XKR4: variants seen among roughly 807,000 people sequenced by gnomAD.
XKR4 encodes the protein XK related 4.
Under a neutral mutation model 53.9 loss-of-function variants are expected in XKR4, and 12 were observed. That is an observed-to-expected ratio of 0.22 (90% CI 0.14 to 0.36). XKR4 has a LOEUF of 0.36. Ranked by LOEUF, XKR4 falls within the 10% of genes least tolerant of loss-of-function variation. XKR4 has a pLI of 1.00. For synonymous variants in XKR4, 354 were observed against 362.4 expected, an observed-to-expected ratio of 0.98 and a Z score of 0.26; for missense variants, 799 against 859.5, an observed-to-expected ratio of 0.93 and a Z score of 0.88.
chr8:55,453,318 C>A, intron 2 of XKR4: 2 of 481,640 alleles, frequency 4.2e-6, no homozygotes, highest in South Asian at 3.1e-5. Context: ...ATGACAAAGT[C>A]AAACTGCTGG....
At chr8:55,332,761 T>A (rs1207766059) in intron 1 of XKR4, among the ~76,000 whole-genome samples, 1 of 152,118 alleles carries the variant, frequency 6.6e-6, no homozygotes, top group African/African-American at 2.4e-5. Context: ...CACGTATCTT[T>A]CCTGAAATTC....
At chr8:55,463,981 T>C (rs1805711335) in intron 2 of XKR4, among the ~76,000 whole-genome samples, 1 of 152,132 alleles carries the variant, frequency 6.6e-6, no homozygotes, top group Non-Finnish European at 1.5e-5. Flanking sequence ...GAGGCAATAA[T>C]TAATAGCTTA....
chr8:55,262,161 TGATA>T (rs879749934), intron 1 of XKR4, among the ~76,000 whole-genome samples: 2 of 152,212 alleles, frequency 1.3e-5, no homozygotes, highest in Admixed American at 6.5e-5. Flanking sequence ...GGTAGGATAT[TGATA>T]AATTAATTCT....
At chr8:55,285,931 A>G (rs909587300) in intron 1 of XKR4, among the ~76,000 whole-genome samples, 2 of 152,226 alleles carry the variant, frequency 1.3e-5, no homozygotes, top group Non-Finnish European at 2.9e-5. Context: ...CTCATTCAGG[A>G]CACTAAGAAG....
chr8:55,414,953 T>G (rs931603383), intron 2 of XKR4, among the ~76,000 whole-genome samples: 1 of 152,220 alleles, frequency 6.6e-6, no homozygotes, highest in Non-Finnish European at 1.5e-5. Flanking sequence ...AGGCCTTTAA[T>G]TTCTGTGCCA....
intron 1 of XKR4, among the ~76,000 whole-genome samples, chr8:55,235,906 G>T (rs1349490447): frequency 6.6e-6 from 1 of 152,118 alleles, no homozygotes; most frequent in African/African-American, 2.4e-5. Context: ...ATTGAGCTTT[G>T]GGCCATGATT....
intron 2 of XKR4, among the ~76,000 whole-genome samples, chr8:55,456,804 A>G (rs1036141632): frequency 6.6e-6 from 1 of 152,184 alleles, no homozygotes; most frequent in African/African-American, 2.4e-5. Flanking sequence ...GCCTACCAAC[A>G]TATGTGAAAT....
chr8:55,217,992 G>T (rs1433847280), intron 1 of XKR4, among the ~76,000 whole-genome samples: 1 of 152,178 alleles, frequency 6.6e-6, no homozygotes, highest in Non-Finnish European at 1.5e-5. Context: ...TCTTCTCTGT[G>T]CCTCTCTCCT....
chr8:55,396,634 C>G (rs1260079847), intron 2 of XKR4, among the ~76,000 whole-genome samples: 1 of 151,996 alleles, frequency 6.6e-6, no homozygotes, highest in African/African-American at 2.4e-5. Flanking sequence ...ATTTCTCACT[C>G]CTGGATATTG....
At chr8:55,397,859 A>G (rs1804544696) in intron 2 of XKR4, among the ~76,000 whole-genome samples, 1 of 152,098 alleles carries the variant, frequency 6.6e-6, no homozygotes, top group East Asian at 1.9e-4. Context: ...CTCACGGGCT[A>G]CTCAGTGGGA....
chr8:55,402,646 T>C (rs1804618298), intron 2 of XKR4, among the ~76,000 whole-genome samples: 1 of 152,214 alleles, frequency 6.6e-6, no homozygotes, highest in African/African-American at 2.4e-5. Flanking sequence ...GCTGTAATTT[T>C]CACTGTGAAA....
intron 2 of XKR4, among the ~76,000 whole-genome samples, chr8:55,439,208 T>C (rs1805229267): frequency 6.6e-6 from 1 of 152,208 alleles, no homozygotes; most frequent in African/African-American, 2.4e-5. Context: ...GAATGTACCA[T>C]GGGTTGATTT....
chr8:55,349,171 G>A (rs1803692251), intron 1 of XKR4, among the ~76,000 whole-genome samples: 1 of 152,116 alleles, frequency 6.6e-6, no homozygotes, highest in South Asian at 2.1e-4. Flanking sequence ...TTTTTAACAG[G>A]ATGGAAACCT....
At chr8:55,138,667 G>T (rs1027127978) in intron 1 of XKR4, among the ~76,000 whole-genome samples, 1 of 152,118 alleles carries the variant, frequency 6.6e-6, no homozygotes, top group African/African-American at 2.4e-5. Context: ...CCTACATTCA[G>T]CTCATTTATT....
At chr8:55,505,942 A>G (rs1344068795) in intron 2 of XKR4, among the ~76,000 whole-genome samples, 3 of 152,230 alleles carry the variant, frequency 2.0e-5, no homozygotes, top group Non-Finnish European at 4.4e-5. Context: ...CTATATCAAA[A>G]TATATATTTG....
chr8:55,476,566 C>T (rs1325354264), intron 2 of XKR4, among the ~76,000 whole-genome samples: 2 of 62,994 alleles, frequency 3.2e-5, no homozygotes, highest in African/African-American at 2.3e-4. Flanking sequence ...GGGTGCAGCA[C>T]ACTGAGCAAG....
intron 1 of XKR4, among the ~76,000 whole-genome samples, chr8:55,235,121 A>G (rs1818101034): frequency 6.6e-6 from 1 of 152,140 alleles, no homozygotes; most frequent in African/African-American, 2.4e-5. Flanking sequence ...CTTTGCTCCC[A>G]CCTTCTAAGG....
At chr8:55,451,551 C>A (rs556223829) in intron 2 of XKR4, 15 of 1,084,542 alleles carry the variant, frequency 1.4e-5, no homozygotes, top group Middle Eastern at 2.5e-4. Flanking sequence ...CGTACAGGCC[C>A]CCAGAATGCA....
chr8:55,476,162 T>C (rs1805981253), intron 2 of XKR4, among the ~76,000 whole-genome samples: 1 of 152,008 alleles, frequency 6.6e-6, no homozygotes, highest in Non-Finnish European at 1.5e-5. Context: ...AGAAAGTACA[T>C]TTTCACAGTT....
Sources: gnomAD v4.1 joint callset for allele counts (sites outside exome capture counted in the v4.1 genomes callset) on GRCh38, gnomAD v4.1.1 for gene constraint, MANE v1.5 for transcripts, NCBI Gene and HGNC (gene_info 2026-07-23, HGNC 2026-07-21) for gene names.